AGR2: variants seen among roughly 807,000 people sequenced by gnomAD.
AGR2 encodes the protein anterior gradient protein 2 homolog.
AGR2 carries 27 observed loss-of-function variants against 25.9 expected under a neutral mutation model. The ratio of observed to expected loss-of-function variants is 1.04; its 90% CI spans 0.77 to 1.44. AGR2 has a LOEUF of 1.44. AGR2 is among the 40% of genes most tolerant of loss of function. The pLI is 0.00. For missense variants in AGR2, 182 were observed against 200.9 expected (o/e 0.91, Z 0.57); for synonymous variants, 78 against 72.0 (o/e 1.08, Z -0.42).
Position 16,792,969 on chromosome 7 carries a change from T to C in AGR2, c.479-12A>G. On this transcript the variant is annotated splice_polypyrimidine_tract_variant and intron_variant, in intron 7 of 7. Transcript: ENST00000419304. ...CATGTTGTCAAGCACTAATGGGGGA[T>C]AAAAGCAGGAGAGTCAAGACACCAT... The C allele has an allele frequency of 6.2e-7, 1 of 1,613,532 alleles. No individual in the cohort carries two copies. Among genetic ancestry groups the C allele is most frequent in the East Asian group, 2.2e-5 (1 of 44,874 alleles).
chr7:16,801,400 C>T lies in AGR2; in HGVS notation c.140-17G>A, dbSNP rs1785140297. 1 of 1,608,684 alleles carries T rather than the reference C, an allele frequency of 6.2e-7. No homozygotes were observed. Among genetic ancestry groups the T allele is most frequent in the African/African-American group, 1.3e-5 (1 of 74,744 alleles). On this transcript the variant is annotated splice_polypyrimidine_tract_variant and intron_variant, in intron 2 of 7. Transcript: ENST00000419304. The stretch of plus-strand genomic sequence containing the variant: ...CACCCCAACCTAGAATGAAATGAAT[C>T]AGTATATTTGAAGCTTGTATAAATT...
intron 5 of AGR2, chr7:16,799,486 T>G: frequency 2.5e-6 from 1 of 406,724 alleles, no homozygotes; most frequent in Non-Finnish European, 4.4e-6. Context: ...ACAAAAACCT[T>G]CCAGCAACAG....
In AGR2 at chr7:16,801,101, C is replaced by A. The variant is rs1322073493; in HGVS notation, c.256+50G>T. 2.0e-6 allele frequency: 3 copies of A among 1,495,104 alleles called. No homozygotes were observed. The African/African-American group carries it at 4.2e-5, about 21-fold the overall frequency. The allele number at this position is 1,495,104 out of a possible 1,614,324, so 92.6% of individuals were successfully genotyped here. A position where few individuals can be genotyped will look rare whatever the true frequency, so the allele number is the denominator to read the frequency against. ...AAACATGAGTGATCTGAACCCTGGCCCTAAGGCTAAAAGCCTATAAAGGAA... is the reference window on the plus strand; with the variant it reads ...AAACATGAGTGATCTGAACCCTGGCACTAAGGCTAAAAGCCTATAAAGGAA... On this transcript the variant is annotated intron_variant, in intron 4 of 7. Coordinates refer to ENST00000419304, the MANE Select transcript of AGR2 (RefSeq NM_006408.4).
chr7:16,804,656 A>G (rs74997255), intron 1 of AGR2, among the ~76,000 whole-genome samples: 5,240 of 152,188 alleles, frequency 0.034, 132 homozygotes, highest in South Asian at 0.07. Flanking sequence ...CAGGCTTGAA[A>G]AATCCTAGGA....
Position 16,801,303 on chromosome 7 carries a change from G to A in AGR2, c.203+17C>T. Reference sequence around the variant, plus strand: ...CTTGAGAGCTTTGAGGGAGCTCTGAGTAATCCTGATCTTTACCTTGTCTTG... The same window carrying A: ...CTTGAGAGCTTTGAGGGAGCTCTGAATAATCCTGATCTTTACCTTGTCTTG... On this transcript the variant is annotated intron_variant, in intron 3 of 7. Coordinates refer to ENST00000419304, the MANE Select transcript of AGR2 (RefSeq NM_006408.4). 1 of 1,612,948 alleles carries A rather than the reference G, an allele frequency of 6.2e-7. No homozygotes were observed. Among genetic ancestry groups the A allele is most frequent in the Non-Finnish European group, 8.5e-7 (1 of 1,179,130 alleles).
chr7:16,799,926 T>C, intron 4 of AGR2, 109 bp from the exon 5 acceptor site: 1 of 727,150 alleles, frequency 1.4e-6, no homozygotes, highest in Non-Finnish European at 2.2e-6. Flanking sequence ...GCATTTTAAA[T>C]ACAGTATTCT....
At chr7:16,793,063 T>C in intron 7 of AGR2, 106 bp from the exon 8 acceptor site, 1 of 1,109,040 alleles carries the variant, frequency 9.0e-7, no homozygotes, top group Non-Finnish European at 1.3e-6. Flanking sequence ...GGATGCTTTT[T>C]TTTTTGAGAC....
chr7:16,793,380 G>T (rs771817875), intron 7 of AGR2, among the ~76,000 whole-genome samples: 12 of 152,158 alleles, frequency 7.9e-5, no homozygotes, highest in Non-Finnish European at 1.3e-4. Context: ...GAGGTGAATA[G>T]TTGGTAATCT....
intron 6 of AGR2, 105 bp downstream of exon 6, chr7:16,797,526 A>G: frequency 2.3e-6 from 2 of 857,290 alleles, no homozygotes; most frequent in Admixed American, 4.6e-5. Flanking sequence ...GAGCTTAGTG[A>G]TGACATTGGC....
At chr7:16,804,140 C>T (rs1013845594) in intron 1 of AGR2, among the ~76,000 whole-genome samples, 1 of 152,064 alleles carries the variant, frequency 6.6e-6, no homozygotes, top group African/African-American at 2.4e-5. Context: ...GGGTGACTTT[C>T]TGAGATTCAC....
chr7:16,797,426 A>G (rs1024438807), intron 6 of AGR2, among the ~76,000 whole-genome samples: 1 of 152,204 alleles, frequency 6.6e-6, no homozygotes, highest in Non-Finnish European at 1.5e-5. Flanking sequence ...GCATGTGAGA[A>G]AAGAAAGTGT....
In AGR2 at chr7:16,799,747, C is replaced by A. The variant is rs749842235; in HGVS notation, c.327G>T (p.Leu109=). 7 of 1,610,366 alleles carry A rather than the reference C, an allele frequency of 4.3e-6. No homozygotes were observed. Among genetic ancestry groups the A allele is most frequent in the Non-Finnish European group, 2.5e-6 (3 of 1,177,958 alleles). ...TAATGATGAAAAGGAAACTTACAAC[C>A]AGATTGAGGAGGACAAACTGCTCTG... ...KLAEQFVLLN[L]VYETTDKHLS... The change falls in exon 5 of 8, where the codon CTG becomes CTT. Residue 109 remains leucine, a synonymous_variant. Coordinates refer to ENST00000419304, the MANE Select transcript of AGR2 (RefSeq NM_006408.4).
At position 16,792,666 on chromosome 7, in the gene AGR2, C is replaced by A; in HGVS notation, c.*242G>T. 2.1e-6 allele frequency: 1 copy of A among 474,054 alleles called. No individual in the cohort carries two copies. The highest frequency in any genetic ancestry group is 3.7e-6 in the Non-Finnish European group (1 of 268,168). 29.4% of individuals were successfully genotyped at this position (474,054 alleles called of 1,614,324 possible). A position where few individuals can be genotyped will look rare whatever the true frequency, so the allele number is the denominator to read the frequency against. ...TGGAGAAAACAGAACACCCCCAAAA[C>A]ATTTATTTTTTTTTTTAGAAAATCA... On this transcript the variant is annotated 3_prime_UTR_variant, in exon 8 of 8. Transcript: ENST00000419304.
At position 16,792,117 on chromosome 7, in the gene AGR2, A is replaced by G. The variant is rs1276267521; in HGVS notation, c.*791T>C. On this transcript the variant is annotated 3_prime_UTR_variant, in exon 8 of 8. Coordinates refer to ENST00000419304, the MANE Select transcript of AGR2 (RefSeq NM_006408.4). ...GTCACCACCCTTTGCTCTTCTTCCA[A>G]TTAGTCACATGTTGGCTGAATTTAT... 1 of 152,144 alleles carries G rather than the reference A, an allele frequency of 6.6e-6. No homozygotes were observed. Among genetic ancestry groups the G allele is most frequent in the African/African-American group, 2.4e-5 (1 of 41,406 alleles). 9.4% of individuals were successfully genotyped at this position (152,144 alleles called of 1,614,324 possible).
chr7:16,799,942 G>C (rs1785113599), intron 4 of AGR2, 125 bp from the exon 5 acceptor site: 2 of 663,536 alleles, frequency 3.0e-6, no homozygotes, highest in Non-Finnish European at 5.0e-6. Flanking sequence ...ATTCTACTTT[G>C]GCCTTTTAGC....
intron 1 of AGR2, 117 bp from the exon 2 acceptor site, chr7:16,801,920 A>G (rs1785153483): frequency 1.1e-5 from 9 of 789,644 alleles, no homozygotes; most frequent in African/African-American, 3.6e-5. Context: ...CTGAGACTGG[A>G]CATACGAGAT....
In AGR2 at chr7:16,797,688, T is replaced by G. The variant is rs749565983; in HGVS notation, c.337A>C (p.Thr113Pro). The G allele has an allele frequency of 3.7e-6, 6 of 1,613,240 alleles. No individual in the cohort carries two copies. Among genetic ancestry groups the G allele is most frequent in the Non-Finnish European group, 5.1e-6 (6 of 1,179,640 alleles). The change falls in exon 6 of 8, where the codon ACA becomes CCA. Residue 113 changes from threonine to proline, a missense_variant. Transcript: ENST00000419304. ...QFVLLNLVYE[T>P]TDKHLSPDGQ... ...TCAGGAGAAAGGTGTTTGTCAGTTG[T>G]TTCATACTAAAATAAAAAGAAAAGC...
chr7:16,800,233 C>G (rs1282912043), intron 4 of AGR2, among the ~76,000 whole-genome samples: 3 of 152,236 alleles, frequency 2.0e-5, no homozygotes, highest in African/African-American at 7.2e-5. Flanking sequence ...AAAAATAAAG[C>G]AAAGCAAAGG....
chr7:16,793,100 A>G (rs1198317083), intron 7 of AGR2, 143 bp from the exon 8 acceptor site: 1 of 741,224 alleles, frequency 1.3e-6, no homozygotes, highest in Admixed American at 2.4e-5. Context: ...TCAGGCTGGC[A>G]TGCAGTGGTG....
Sources: gnomAD v4.1 joint callset for allele counts (sites outside exome capture counted in the v4.1 genomes callset) on GRCh38, gnomAD v4.1.1 for gene constraint, MANE v1.5 for transcripts, NCBI Gene and HGNC (gene_info 2026-07-23, HGNC 2026-07-21) for gene names.